The following FGFR3 variants were observed in gnomAD, a reference collection of about 807,000 sequenced individuals.
The protein encoded by FGFR3 is FGFR-3.
In FGFR3, 25 loss-of-function variants were observed where a neutral mutation model predicts 82.9. The ratio of observed to expected loss-of-function variants is 0.30; its 90% CI spans 0.22 to 0.42. The LOEUF (loss-of-function observed/expected upper bound fraction) is 0.42, where lower values mean the gene tolerates loss of function less well. Among genes scored for constraint, FGFR3 ranks in the 10% least tolerant of loss-of-function variants. The pLI is 1.00. For synonymous variants in FGFR3, 620 were observed against 516.0 expected, an observed-to-expected ratio of 1.20 and a Z score of -2.73; for missense variants, 1,026 against 1,161.0, an observed-to-expected ratio of 0.88 and a Z score of 1.69.
At chr4:1,802,604 AGTCCAGACCCC>A (rs1417607593) in intron 7 of FGFR3, among the ~76,000 whole-genome samples, 1 of 152,188 alleles carries the variant, frequency 6.6e-6, no homozygotes, top group East Asian at 1.9e-4. Flanking sequence ...GCGAGGGTGG[AGTCCAGACCCC>A]GCCCAGAGAG....
chr4:1,807,588 C>T lies in FGFR3; in HGVS notation c.*326C>T, dbSNP rs774764362. On this transcript the variant is annotated 3_prime_UTR_variant, in exon 18 of 18. Transcript: ENST00000440486. ...TAAGTGGGCCCACCCGGTGGGACCC[C>T]CGTGGGGCAGGGAGCTGGGCCCGAC... The T allele has an allele frequency of 1.8e-5, 12 of 683,214 alleles. No individual in the cohort carries two copies. The highest frequency in any genetic ancestry group is 3.3e-5 in the Non-Finnish European group (12 of 364,124). 42.3% of individuals were successfully genotyped at this position (683,214 alleles called of 1,614,324 possible).
chr4:1,794,066 C>A (rs1393152680), intron 2 of FGFR3, 23 bp downstream of exon 2: 2 of 1,302,986 alleles, frequency 1.5e-6, no homozygotes, highest in African/African-American at 3.1e-5. Flanking sequence ...CCACTAGGCA[C>A]GGGAGAGGCC....
chr4:1,804,656 C>T (rs1045053614), intron 9 of FGFR3, 136 bp downstream of exon 9: 8 of 1,426,736 alleles, frequency 5.6e-6, no homozygotes, highest in Non-Finnish European at 7.8e-6. Context: ...CGTCTCTGCT[C>T]ACCATGTAGA....
In FGFR3 at chr4:1,807,902, CATAT is replaced by C. The variant is rs1158691826; in HGVS notation, c.*650_*653del. 3 of 341,434 alleles carry C rather than the reference CATAT, an allele frequency of 8.8e-6. No homozygotes were observed. Among genetic ancestry groups the C allele is most frequent in the South Asian group, 3.7e-5 (1 of 26,744 alleles). 21.2% of individuals were successfully genotyped at this position (341,434 alleles called of 1,614,324 possible). On this transcript the variant is annotated 3_prime_UTR_variant, in exon 18 of 18. Transcript: ENST00000440486. ...AGATGCTGTGTATATGGTATATATA[CATAT>C]ATATATATAACATATATGGAAGAGG...
chr4:1,803,910 G>A (rs1366666721), intron 8 of FGFR3, 74 bp downstream of exon 8: 1 of 1,470,602 alleles, frequency 6.8e-7, no homozygotes, highest in East Asian at 2.3e-5. Context: ...AAAGCTGCCA[G>A]GACGGACGGG....
intron 4 of FGFR3, 67 bp from the exon 5 acceptor site, chr4:1,801,299 AG>A (rs2108779826): frequency 1.3e-6 from 2 of 1,500,750 alleles, no homozygotes; most frequent in Non-Finnish European, 9.0e-7. Context: ...AGCTCTGGGA[AG>A]GGGGTTGTTC....
intron 4 of FGFR3, among the ~76,000 whole-genome samples, chr4:1,800,126 G>A (rs1721012197): frequency 6.6e-6 from 1 of 152,214 alleles, no homozygotes; most frequent in Non-Finnish European, 1.5e-5. Flanking sequence ...TTGGCTATAG[G>A]TGAGGTGGAC....
intron 2 of FGFR3, among the ~76,000 whole-genome samples, chr4:1,798,222 C>T (rs1485026876): frequency 2.0e-5 from 3 of 152,016 alleles, no homozygotes; most frequent in South Asian, 2.1e-4. Context: ...GGGTGGGCCC[C>T]CACCCCAGCT....
intron 2 of FGFR3, among the ~76,000 whole-genome samples, chr4:1,795,334 G>C (rs904246820): frequency 6.6e-6 from 1 of 151,998 alleles, no homozygotes; most frequent in Non-Finnish European, 1.5e-5. Context: ...AGCCAGCCCC[G>C]GGGAAGGGCG....
At chr4:1,806,021 C>G (rs1401979575) in intron 13 of FGFR3, 30 bp from the exon 14 acceptor site, 1 of 1,612,930 alleles carries the variant, frequency 6.2e-7, no homozygotes, top group Non-Finnish European at 8.5e-7. Context: ...GGTGGAGAGG[C>G]TTCAGCCCTG....
In FGFR3 at chr4:1,802,037, T is replaced by C. The variant is rs577875471; in HGVS notation, c.930+12T>C. 22 of 1,608,634 alleles carry C rather than the reference T, an allele frequency of 1.4e-5. No individual in the cohort carries two copies. In the African/African-American group the frequency reaches 2.0e-4, roughly 15 times the overall value. The stretch of plus-strand genomic sequence containing the variant: ...TTACCGTGCTCAAGGTGGGCCACCG[T>C]GTGCACGTGGGTGCCGCCGCTGGGG... On this transcript the variant is annotated intron_variant, in intron 7 of 17. Transcript: ENST00000440486.
At chr4:1,803,269 C>T in intron 7 of FGFR3, 1 of 613,486 alleles carries the variant, frequency 1.6e-6, no homozygotes, top group South Asian at 2.7e-5. Context: ...ACCCTTCCCG[C>T]ACGCCTGCGA....
intron 16 of FGFR3, 49 bp from the exon 17 acceptor site, chr4:1,806,780 G>A (rs369734263): frequency 2.0e-5 from 32 of 1,593,466 alleles, no homozygotes; most frequent in Middle Eastern, 1.9e-4. Context: ...GGCTGTTCCC[G>A]AATAAGGCGG....
chr4:1,805,337 C>T lies in FGFR3; in HGVS notation c.1413-18C>T, dbSNP rs765363154. On this transcript the variant is annotated intron_variant, in intron 10 of 17. Transcript: ENST00000440486. ...GGGCGAGTTTGCACACTCATGGTCC[C>T]TCTGCCTCCACTGCCAGGCTGACCC... 1.2e-6 allele frequency: 2 copies of T among 1,610,314 alleles called. No individual in the cohort carries two copies. The highest frequency in any genetic ancestry group is 2.2e-5 in the East Asian group (1 of 44,872).
At chr4:1,806,409 C>T in intron 15 of FGFR3, 82 bp downstream of exon 15, 1 of 1,603,062 alleles carries the variant, frequency 6.2e-7, no homozygotes, top group Admixed American at 1.7e-5. Context: ...GTCCCCAGGC[C>T]TGTGCCCTGG....
At position 1,806,924 on chromosome 4, in the gene FGFR3, C is replaced by A. The variant is rs752294041; in HGVS notation, c.2264C>A (p.Thr755Lys). 6.2e-7 allele frequency: 1 copy of A among 1,606,310 alleles called. No homozygotes were observed. Among genetic ancestry groups the A allele is most frequent in the African/African-American group, 1.3e-5 (1 of 74,904 alleles). The change falls in exon 17 of 18, where the codon ACG becomes AAG. Residue 755 changes from threonine (T) to lysine (K), a missense_variant. This residue lies in a region of FGFR3 where 155 missense variants were observed against 150.2 expected (regional missense o/e 1.03). Coordinates refer to ENST00000440486, the MANE Select transcript of FGFR3 (RefSeq NM_000142.5). ...GACCTGGACCGTGTCCTTACCGTGA[C>A]GTCCACCGACGTGAGTGCTGGCTCT... ...VEDLDRVLTV[T>K]STDEYLDLSA...
At chr4:1,804,687 C>T (rs570533269) in intron 9 of FGFR3, 137 bp from the exon 10 acceptor site, 54 of 1,428,476 alleles carry the variant, frequency 3.8e-5, no homozygotes, top group Non-Finnish European at 4.8e-5. Context: ...CTTTGGGGCA[C>T]GAAACATTCT....
Position 1,805,810 on chromosome 4 carries a change from C to G in FGFR3, c.1706C>G (p.Ala569Gly). Residue 569 changes from alanine to glycine, a missense_variant, in exon 13 of 18, where the codon GCG becomes GGG. Coordinates refer to ENST00000440486, the MANE Select transcript of FGFR3 (RefSeq NM_000142.5). ...GGTAACCTGCGGGAGTTTCTGCGGGCGCGGCGGCCCCCGGGCCTGGACTAC... is the reference window on the plus strand; with the variant it reads ...GGTAACCTGCGGGAGTTTCTGCGGGGGCGGCGGCCCCCGGGCCTGGACTAC... ...AKGNLREFLR[A>G]RRPPGLDYSF... The G allele has an allele frequency of 6.2e-7, 1 of 1,612,368 alleles. No homozygotes were observed. The highest frequency in any genetic ancestry group is 8.5e-7 in the Non-Finnish European group (1 of 1,179,786).
At position 1,799,350 on chromosome 4, in the gene FGFR3, T is replaced by C. The variant is rs932569778; in HGVS notation, c.206T>C (p.Met69Thr). The C allele has an allele frequency of 2.5e-6, 4 of 1,612,404 alleles. No homozygotes were observed. The highest frequency in any genetic ancestry group is 3.4e-6 in the Non-Finnish European group (4 of 1,179,860). ...LSCPPPGGGP[M>T]GPTVWVKDGT... ...TGTCCCCCGCCCGGGGGTGGTCCCA[T>C]GGGGCCCACTGTCTGGGTCAAGGAT... Residue 69 changes from methionine (M) to threonine (T), a missense_variant, in exon 3 of 18, where the codon ATG becomes ACG. Met to Thr is a moderately conservative substitution (Grantham distance 81, BLOSUM62 -1). Around this residue, in one of 9 missense-constraint regions of FGFR3, gnomAD observed 226 missense variants for 222.0 expected, o/e 1.02. Coordinates refer to ENST00000440486, the MANE Select transcript of FGFR3 (RefSeq NM_000142.5).
Sources: allele counts gnomAD v4.1 joint callset (sites outside exome capture counted in the v4.1 genomes callset), GRCh38; gene constraint gnomAD v4.1.1; regional missense constraint gnomAD v4.1.1; transcripts MANE v1.5; gene names NCBI Gene and HGNC (gene_info 2026-07-23, HGNC 2026-07-21).